EXTL1: variants seen among roughly 807,000 people sequenced by gnomAD.
The protein encoded by EXTL1 is exostosin-like 1.
In EXTL1, 43 loss-of-function variants were observed where a neutral mutation model predicts 64.6. The ratio of observed to expected loss-of-function variants is 0.67; its 90% CI spans 0.52 to 0.86. The LOEUF (loss-of-function observed/expected upper bound fraction) is 0.86, where lower values mean the gene tolerates loss of function less well. EXTL1 is among the 40% of genes least tolerant of loss of function. The probability of loss-of-function intolerance (pLI) is 0.00; values close to 1 mark genes in which losing one functional copy is unlikely to be tolerated. For missense variants in EXTL1, 766 were observed against 879.0 expected (o/e 0.87, Z 1.62); for synonymous variants, 352 against 360.5 (o/e 0.98, Z 0.27).
In EXTL1 at chr1:26,035,513, T is replaced by C. The variant is rs1320716826; in HGVS notation, c.*166T>C. Reference sequence around the variant, plus strand: ...CAATCACAACAGGGGGGCGTGGCCTTACCTTCTCCTGCTCGCCCTCAGCCG... The same window carrying C: ...CAATCACAACAGGGGGGCGTGGCCTCACCTTCTCCTGCTCGCCCTCAGCCG... On this transcript the variant is annotated 3_prime_UTR_variant, in exon 11 of 11. Transcript: ENST00000374280. The surrounding 1 kb of genome is among the most constrained non-coding windows in gnomAD (Gnocchi z 5.3). The C allele has an allele frequency of 7.7e-6, 4 of 519,582 alleles. No individual in the cohort carries two copies. The highest frequency in any genetic ancestry group is 3.3e-5 in the Admixed American group (1 of 29,884). 32.2% of individuals were successfully genotyped at this position (519,582 alleles called of 1,614,324 possible).
At position 26,025,588 on chromosome 1, in the gene EXTL1, C is replaced by T. The variant is rs990944737; in HGVS notation, c.779+2163C>T. ...CCCATGTTTTTCCACCTTGGTTGAA[C>T]GGTCTCTTGTTGCTTTGGAATAAAT... On this transcript the variant is annotated intron_variant, in intron 1 of 10. Transcript: ENST00000374280. This position sits in a 1 kb window ranked among gnomAD's most constrained non-coding sequence, Gnocchi z 5.3. Among the ~76,000 whole-genome samples, 14 of 152,140 alleles carry T rather than the reference C, an allele frequency of 9.2e-5. No individual in the cohort carries two copies. Among genetic ancestry groups the T allele is most frequent in the Non-Finnish European group, 1.8e-4 (12 of 68,010 alleles).
At position 26,022,672 on chromosome 1, in the gene EXTL1, C is replaced by T. The variant is rs1308537714; in HGVS notation, c.26C>T (p.Ser9Phe). Reference protein sequence around the residue: MQSWRRRKSLWLALSASWL... With the variant: MQSWRRRKFLWLALSASWL... ...ATGCAGTCGTGGAGGAGAAGAAAGT[C>T]CCTGTGGCTGGCACTGTCAGCCTCC... Residue 9 changes from serine to phenylalanine, a missense_variant, in exon 1 of 11, where the codon TCC becomes TTC. This residue lies in a region of EXTL1 where 571 missense variants were observed against 647.6 expected (regional missense o/e 0.88). Transcript: ENST00000374280. The T allele has an allele frequency of 1.2e-6, 2 of 1,607,350 alleles. No homozygotes were observed. Among genetic ancestry groups the T allele is most frequent in the Non-Finnish European group, 1.7e-6 (2 of 1,176,576 alleles).
chr1:26,023,015 C>G lies in EXTL1; in HGVS notation c.369C>G (p.Phe123Leu), dbSNP rs376112716. The change falls in exon 1 of 11, where the codon TTC (phenylalanine) becomes TTG (leucine). Residue 123 changes from phenylalanine to leucine, a missense_variant. By Grantham distance (22) the Phe-to-Leu change is conservative. Coordinates refer to ENST00000374280, the MANE Select transcript of EXTL1 (RefSeq NM_004455.3). ...RILASIEGSR[F>L]YTFSPAGACL... is the part of the protein sequence containing the mutation. ...TGGCTTCCATTGAGGGCTCTCGCTT[C>G]TACACATTCAGCCCTGCTGGGGCCT... 9 of 1,614,186 alleles carry G rather than the reference C, an allele frequency of 5.6e-6. No homozygotes were observed. The highest frequency in any genetic ancestry group is 6.8e-6 in the Non-Finnish European group (8 of 1,180,026).
In EXTL1 at chr1:26,022,823, C is replaced by T; in HGVS notation, c.177C>T (p.Ser59=). Reference sequence around the variant, plus strand: ...ATGCAGAGCTCCTGCAGAGCTTCTCCCAGCCTGGAGAGCTCCCAGAAGATG... The same window carrying T: ...ATGCAGAGCTCCTGCAGAGCTTCTCTCAGCCTGGAGAGCTCCCAGAAGATG... The part of the protein sequence containing the change: ...WLDAELLQSF[S]QPGELPEDAV... The change falls in exon 1 of 11, where the codon TCC becomes TCT. Residue 59 remains serine, a synonymous_variant. Transcript: ENST00000374280. The T allele has an allele frequency of 6.2e-7, 1 of 1,614,058 alleles. No individual in the cohort carries two copies. Among genetic ancestry groups the T allele is most frequent in the Middle Eastern group, 1.6e-4 (1 of 6,062 alleles).
chr1:26,023,510 G>A lies in EXTL1; in HGVS notation c.779+85G>A, dbSNP rs958223597. The A allele has an allele frequency of 2.3e-6, 3 of 1,322,794 alleles. No individual in the cohort carries two copies. The Admixed American group carries it at 1.1e-4, about 46-fold the overall frequency. 81.9% of individuals were successfully genotyped at this position (1,322,794 alleles called of 1,614,324 possible). ...AAAAACGAGGGTAGAAGGCAGGACT[G>A]AGATGGGAGAACCAGGTAGTCCTGG... On this transcript the variant is annotated intron_variant, in intron 1 of 10. Transcript: ENST00000374280.
At position 26,023,316 on chromosome 1, in the gene EXTL1, G is replaced by A. The variant is rs373052343; in HGVS notation, c.670G>A (p.Val224Ile). The A allele has an allele frequency of 1.8e-4, 279 of 1,549,732 alleles. No individual in the cohort carries two copies. The highest frequency in any genetic ancestry group is 3.4e-4 in the Admixed American group (18 of 53,386). Residue 224 changes from valine (V) to isoleucine (I), a missense_variant, in exon 1 of 11, where the codon GTA becomes ATA. Val to Ile is a conservative substitution (Grantham distance 29, BLOSUM62 3). Coordinates refer to ENST00000374280, the MANE Select transcript of EXTL1 (RefSeq NM_004455.3). ...GCGGCAACACAGCCCCCAGCCCGGG[G>A]TAGCCCTGCTAGCCCTGGAAGAGGA... is the stretch of plus-strand genomic sequence containing the variant. ...QLRQHSPQPG[V>I]ALLALEEERG... is the part of the protein sequence containing the mutation.
rs752687513 is a variant in EXTL1 at position 26,023,123 on chromosome 1, T to A, written c.477T>A (p.His159Gln). 1.9e-5 allele frequency: 30 copies of A among 1,613,920 alleles called. No homozygotes were observed. Among genetic ancestry groups the A allele is most frequent in the Non-Finnish European group, 2.5e-5 (29 of 1,179,978 alleles). ...MPLQWNRGRN[H>Q]LVLRLHPAPC... ...TGCAATGGAACAGGGGCAGGAACCA[T>A]CTGGTCCTCCGTCTCCACCCGGCTC... is the stretch of plus-strand genomic sequence containing the variant. Residue 159 changes from histidine (H) to glutamine (Q), a missense_variant, in exon 1 of 11, where the codon CAT (histidine) becomes CAA (glutamine). Coordinates refer to ENST00000374280, the MANE Select transcript of EXTL1 (RefSeq NM_004455.3).
intron 7 of EXTL1, among the ~76,000 whole-genome samples, chr1:26,032,988 C>T (rs2050304232): frequency 6.6e-6 from 1 of 152,146 alleles, no homozygotes; most frequent in South Asian, 2.1e-4. Flanking sequence ...CCCTAGAGAC[C>T]AACTGCCCCA....
rs758712108 is a variant in EXTL1 at position 26,035,310 on chromosome 1, T to C, written c.1994T>C (p.Val665Ala). The change falls in exon 11 of 11, where the codon GTG becomes GCG. Residue 665 changes from valine (V) to alanine (A), a missense_variant. Val to Ala is a moderately conservative substitution (Grantham distance 64). Transcript: ENST00000374280. This position sits in a 1 kb window ranked among gnomAD's most constrained non-coding sequence, Gnocchi z 5.3. Reference sequence around the variant, plus strand: ...GTGCTGTTTAAGGACCCGGTGTCCGTGCAGCGCAAGAAGTACCGCAGCCTG... The same window carrying C: ...GTGCTGTTTAAGGACCCGGTGTCCGCGCAGCGCAAGAAGTACCGCAGCCTG... ...DPVLFKDPVSVQRKKYRSLEK... is the reference protein window; with the variant it reads ...DPVLFKDPVSAQRKKYRSLEK... 2.5e-6 allele frequency: 4 copies of C among 1,612,670 alleles called. No individual in the cohort carries two copies. The South Asian group carries it at 4.4e-5, about 18-fold the overall frequency.
rs912585747 is a variant in EXTL1 at position 26,029,176 on chromosome 1, C to T, written c.780-17C>T. The T allele has an allele frequency of 1.3e-6, 2 of 1,599,602 alleles. No homozygotes were observed. The highest frequency in any genetic ancestry group is 1.1e-5 in the South Asian group (1 of 90,548). On this transcript the variant is annotated splice_polypyrimidine_tract_variant and intron_variant, in intron 1 of 10. Coordinates refer to ENST00000374280, the MANE Select transcript of EXTL1 (RefSeq NM_004455.3). ...CCAGGCTCATGTGTGGTGGGACCTC[C>T]CCATGTGCCTCTTTAGGACCCAGCG... is the stretch of plus-strand genomic sequence containing the variant.
intron 1 of EXTL1, among the ~76,000 whole-genome samples, chr1:26,024,632 T>G (rs72664084): frequency 1.3e-5 from 2 of 152,188 alleles, no homozygotes; most frequent in Non-Finnish European, 2.9e-5. Context: ...AGGGTCCTTT[T>G]GCTGGGACCT....
At chr1:26,026,038 G>A (rs947388208) in intron 1 of EXTL1, among the ~76,000 whole-genome samples, 3 of 151,916 alleles carry the variant, frequency 2.0e-5, no homozygotes, top group African/African-American at 7.2e-5. Context: ...CGGGTGGATC[G>A]CCTGAGCTTA....
chr1:26,030,776 C>A (rs1469486899), intron 4 of EXTL1, among the ~76,000 whole-genome samples, 181 bp downstream of exon 4: 3 of 152,112 alleles, frequency 2.0e-5, no homozygotes, highest in African/African-American at 7.2e-5. Context: ...ATCTTGGCCT[C>A]AGTTTCCCCA....
At chr1:26,026,719 G>A (rs2050220756) in intron 1 of EXTL1, among the ~76,000 whole-genome samples, 1 of 152,184 alleles carries the variant, frequency 6.6e-6, no homozygotes, top group Non-Finnish European at 1.5e-5. Context: ...AAGTCACAAT[G>A]CAGCCCTACC....
chr1:26,033,303 T>C lies in EXTL1; in HGVS notation c.1506T>C (p.Leu502=), dbSNP rs1449807692. The change falls in exon 8 of 11, where the codon CTT becomes CTC. Residue 502 remains leucine, a synonymous_variant. Coordinates refer to ENST00000374280, the MANE Select transcript of EXTL1 (RefSeq NM_004455.3). This position sits in a 1 kb window ranked among gnomAD's most constrained non-coding sequence, Gnocchi z 5.1. ...TCAGCCTCGATGCCCGCAGCAGTCT[T>C]TCCACAAGTGAGGTGAGGGCTGGGC... ...AILSLDARSS[L]STSEVDFAFL... is the part of the protein sequence containing the mutation. 1 of 1,613,914 alleles carries C rather than the reference T, an allele frequency of 6.2e-7. No individual in the cohort carries two copies. Among genetic ancestry groups the C allele is most frequent in the East Asian group, 2.2e-5 (1 of 44,878 alleles).
At position 26,034,807 on chromosome 1, in the gene EXTL1, G is replaced by A. The variant is rs1486487180; in HGVS notation, c.1680-29G>A. The A allele has an allele frequency of 6.2e-7, 1 of 1,603,614 alleles. No homozygotes were observed. Among genetic ancestry groups the A allele is most frequent in the South Asian group, 1.1e-5 (1 of 90,320 alleles). ...GGGCCTGGGGATGGATTTGGCTGCA[G>A]CCTCTCCCTGTCTTTTCCTCTTGCC... On this transcript the variant is annotated intron_variant, in intron 9 of 10. Transcript: ENST00000374280. This position sits in a 1 kb window ranked among gnomAD's most constrained non-coding sequence, Gnocchi z 4.6.
Position 26,023,310 on chromosome 1 carries a change from C to A in EXTL1, c.664C>A (p.Pro222Thr). The change falls in exon 1 of 11, where the codon CCC becomes ACC. Residue 222 changes from proline (P) to threonine (T), a missense_variant. Physicochemically the swap from Pro to Thr is conservative, Grantham distance 38 (BLOSUM62 -1). This residue lies in a region of EXTL1 where 571 missense variants were observed against 647.6 expected (regional missense o/e 0.88). Coordinates refer to ENST00000374280, the MANE Select transcript of EXTL1 (RefSeq NM_004455.3). ...PGQLRQHSPQ[P>T]GVALLALEEE... is the part of the protein sequence containing the mutation. Reference sequence around the variant, plus strand: ...CCAGCTGCGGCAACACAGCCCCCAGCCCGGGGTAGCCCTGCTAGCCCTGGA... The same window carrying A: ...CCAGCTGCGGCAACACAGCCCCCAGACCGGGGTAGCCCTGCTAGCCCTGGA... 1 of 1,551,276 alleles carries A rather than the reference C, an allele frequency of 6.4e-7. No homozygotes were observed.
At chr1:26,032,176 C>T (rs1362913252) in intron 6 of EXTL1, 24 of 524,328 alleles carry the variant, frequency 4.6e-5, no homozygotes, top group Non-Finnish European at 3.1e-5. Context: ...AGCCACAGGT[C>T]ACTACCCTCA....
intron 1 of EXTL1, among the ~76,000 whole-genome samples, chr1:26,024,998 TG>T (rs1340366352): frequency 6.6e-6 from 1 of 152,194 alleles, no homozygotes; most frequent in African/African-American, 2.4e-5. Flanking sequence ...CTAATTAGCG[TG>T]GGTCACCCTC....
Sources: gnomAD v4.1 joint callset for allele counts (sites outside exome capture counted in the v4.1 genomes callset) on GRCh38, gnomAD v4.1.1 for gene constraint, gnomAD v4.1.1 regional missense constraint, Gnocchi (gnomAD v3.1) non-coding constraint, MANE v1.5 for transcripts, NCBI Gene and HGNC (gene_info 2026-07-23, HGNC 2026-07-21) for gene names.